Variants in ZFC3H1 observed in about 807,000 individuals in gnomAD.
ZFC3H1 encodes zinc finger C3H1-type containing.
A neutral mutation model predicts 243.7 loss-of-function variants in ZFC3H1; 71 were observed. The observed-to-expected ratio is 0.29, with a 90% CI of 0.24 to 0.36. The LOEUF (loss-of-function observed/expected upper bound fraction) is 0.36, where lower values mean the gene tolerates loss of function less well. Among genes scored for constraint, ZFC3H1 ranks in the 10% least tolerant of loss-of-function variants. The pLI is 1.00. For synonymous variants in ZFC3H1, 838 were observed against 813.0 expected, an observed-to-expected ratio of 1.03 and a Z score of -0.52; for missense variants, 1,966 against 2,317.1, an observed-to-expected ratio of 0.85 and a Z score of 3.11.
In ZFC3H1 at chr12:71,628,975, T is replaced by C. The variant is rs762659111; in HGVS notation, c.3889A>G (p.Ile1297Val). ...TCACTACTGAAGCTATTATCTGAAA[T>C]AGGTTTTCTCCAAAACTTTGGCTTC... ...KWKPKFWRKP[I>V]SDNSFSSDEE... The change falls in exon 20 of 35, where the codon ATT becomes GTT. Residue 1297 changes from isoleucine (I) to valine (V), a missense_variant. By Grantham distance (29) the Ile-to-Val change is conservative (BLOSUM62 3). Transcript: ENST00000378743. The C allele has an allele frequency of 2.5e-6, 4 of 1,613,286 alleles. No homozygotes were observed. The highest frequency in any genetic ancestry group is 2.7e-5 in the African/African-American group (2 of 74,880).
At chr12:71,647,674 C>A in intron 3 of ZFC3H1, 75 bp downstream of exon 3, 2 of 793,624 alleles carry the variant, frequency 2.5e-6, no homozygotes, top group African/African-American at 1.8e-5. Context: ...ATAGACTTCC[C>A]TTACAAAAGA....
intron 24 of ZFC3H1, 29 bp from the exon 25 acceptor site, chr12:71,620,344 T>C: frequency 6.2e-7 from 1 of 1,603,344 alleles, no homozygotes; most frequent in Non-Finnish European, 8.5e-7. Context: ...ACAACATGAA[T>C]CACGTCAATC....
At chr12:71,626,150 A>G in intron 22 of ZFC3H1, 110 bp downstream of exon 22, 1 of 1,116,844 alleles carries the variant, frequency 9.0e-7, no homozygotes, top group Non-Finnish European at 1.2e-6. Context: ...GTCTATATTC[A>G]GATAAAGCAT....
intron 23 of ZFC3H1, among the ~76,000 whole-genome samples, chr12:71,623,870 TA>T (rs1428535332): frequency 3.3e-5 from 5 of 152,198 alleles, no homozygotes; most frequent in African/African-American, 1.2e-4. Context: ...ATACTTAACA[TA>T]AAATATTTTC....
At chr12:71,613,193 A>T in intron 31 of ZFC3H1, 142 bp downstream of exon 31, 2 of 549,264 alleles carry the variant, frequency 3.6e-6, no homozygotes, top group Non-Finnish European at 5.8e-6. Flanking sequence ...ATATTGGCTT[A>T]ACAACTCTGA....
chr12:71,633,103 C>T lies in ZFC3H1; in HGVS notation c.2686-86G>A, dbSNP rs949979276. The T allele has an allele frequency of 2.8e-6, 4 of 1,434,900 alleles. No homozygotes were observed. In the African/African-American group the frequency reaches 5.8e-5, roughly 21 times the overall value. The allele number at this position is 1,434,900 out of a possible 1,614,324, so 88.9% of individuals were successfully genotyped here. On this transcript the variant is annotated intron_variant, in intron 13 of 34. Transcript: ENST00000378743. Reference sequence around the variant, plus strand: ...CTTCTCAAACACCGTGGCTTTTGAGCATTCAACTGAAAATAAAAATATTCC... The same window carrying T: ...CTTCTCAAACACCGTGGCTTTTGAGTATTCAACTGAAAATAAAAATATTCC...
chr12:71,638,650 T>A, intron 6 of ZFC3H1, 135 bp from the exon 7 acceptor site: 1 of 703,018 alleles, frequency 1.4e-6, no homozygotes, highest in Non-Finnish European at 2.3e-6. Context: ...ATAAAATCTT[T>A]AAACCCCTCA....
At position 71,656,574 on chromosome 12, in the gene ZFC3H1, A is replaced by AT. The variant is rs766581875; in HGVS notation, c.1015+310dup. The AT allele has an allele frequency of 6.6e-5, 42 of 638,694 alleles. No homozygotes were observed. In the South Asian group the frequency reaches 7.6e-4, roughly 12 times the overall value. The allele number at this position is 638,694 out of a possible 1,614,324, so 39.6% of individuals were successfully genotyped here. On this transcript the variant is annotated intron_variant, in intron 2 of 34. Coordinates refer to ENST00000378743, the MANE Select transcript of ZFC3H1 (RefSeq NM_144982.5). Reference sequence around the variant, plus strand: ...CCCGATAAGGGATACCTACAAAAAAATTAACATCATATTTAATGGTAAATG... The same window carrying AT: ...CCCGATAAGGGATACCTACAAAAAAATTTAACATCATATTTAATGGTAAATG...
At chr12:71,652,144 A>G (rs1340436395) in intron 2 of ZFC3H1, among the ~76,000 whole-genome samples, 1 of 152,238 alleles carries the variant, frequency 6.6e-6, no homozygotes, top group Non-Finnish European at 1.5e-5. Context: ...TAAGTTTGAC[A>G]GTAGAGTCTT....
At chr12:71,625,140 T>C (rs1880131001) in intron 22 of ZFC3H1, among the ~76,000 whole-genome samples, 1 of 152,154 alleles carries the variant, frequency 6.6e-6, no homozygotes, top group South Asian at 2.1e-4. Flanking sequence ...CAAGCATGCT[T>C]TACTATCCAA....
Position 71,626,537 on chromosome 12 carries a change from C to A in ZFC3H1, c.4131-91G>T, listed in dbSNP as rs955434979. On this transcript the variant is annotated intron_variant, in intron 21 of 34. Transcript: ENST00000378743. Reference sequence around the variant, plus strand: ...ATCCAATGAGTCAATTTTAAAATTCCATTTTCTACTAGAATTTACCAAGAA... The same window carrying A: ...ATCCAATGAGTCAATTTTAAAATTCAATTTTCTACTAGAATTTACCAAGAA... The A allele has an allele frequency of 3.5e-6, 4 of 1,133,242 alleles. No individual in the cohort carries two copies. The African/African-American group carries it at 6.2e-5, about 18-fold the overall frequency. 70.2% of individuals were successfully genotyped at this position (1,133,242 alleles called of 1,614,324 possible).
intron 27 of ZFC3H1, 76 bp from the exon 28 acceptor site, chr12:71,615,392 G>C (rs542854798): frequency 4.2e-6 from 4 of 961,146 alleles, no homozygotes; most frequent in Non-Finnish European, 6.3e-6. Flanking sequence ...TTTTAAAATC[G>C]TTAGTTTCAC....
chr12:71,615,288 C>T lies in ZFC3H1; in HGVS notation c.5173G>A (p.Asp1725Asn), dbSNP rs767315625. Residue 1725 changes from aspartate (D) to asparagine (N), a missense_variant, in exon 28 of 35, where the codon GAC (aspartate) becomes AAC (asparagine). Physicochemically the swap from Asp to Asn is conservative, Grantham distance 23. Transcript: ENST00000378743. ...CCTTTACATAAACGAGATGGAATGTCAATTGGTCCTGGAATATTTAAGAGA... is the reference window on the plus strand; with the variant it reads ...CCTTTACATAAACGAGATGGAATGTTAATTGGTCCTGGAATATTTAAGAGA... ...RYLLNIPGPI[D>N]IPSRLCKGNF... The T allele has an allele frequency of 8.7e-6, 14 of 1,611,986 alleles. No homozygotes were observed. The South Asian group carries it at 1.5e-4, about 18-fold the overall frequency.
rs760764128 is a variant in ZFC3H1 at position 71,614,527 on chromosome 12, G to A, written c.5526+8C>T. 2 of 1,566,570 alleles carry A rather than the reference G, an allele frequency of 1.3e-6. No homozygotes were observed. The highest frequency in any genetic ancestry group is 1.7e-6 in the Non-Finnish European group (2 of 1,162,792). On this transcript the variant is annotated splice_region_variant and intron_variant, in intron 30 of 34. Transcript: ENST00000378743. ...AAATATCTAAAGAAAAAAGTTTTGA[G>A]TTCTTACCCTATTATGAAATTCATA...
At position 71,632,346 on chromosome 12, in the gene ZFC3H1, T is replaced by C. The variant is rs772116125; in HGVS notation, c.2986A>G (p.Asn996Asp). 2.5e-6 allele frequency: 4 copies of C among 1,613,634 alleles called. No individual in the cohort carries two copies. The highest frequency in any genetic ancestry group is 3.4e-6 in the Non-Finnish European group (4 of 1,179,844). The change falls in exon 15 of 35, where the codon AAT becomes GAT. Residue 996 changes from asparagine to aspartate, a missense_variant. Asn to Asp is a conservative substitution (Grantham distance 23). Transcript: ENST00000378743. ...ARALKAKEQQ[N>D]ISPVVEEEPE... ...TCCTCTTCCACAACTGGAGAGATAT[T>C]TTGTTGTTCCTTTGCTTTAAGGGCA...
chr12:71,627,614 T>C, intron 21 of ZFC3H1, 137 bp downstream of exon 21: 2 of 761,836 alleles, frequency 2.6e-6, no homozygotes, highest in Non-Finnish European at 4.1e-6. Context: ...AACAATAAAA[T>C]GCTTTTGGCT....
Position 71,636,513 on chromosome 12 carries a change from G to T in ZFC3H1, c.2077C>A (p.Arg693Ser). 1 of 1,606,652 alleles carries T rather than the reference G, an allele frequency of 6.2e-7. No homozygotes were observed. The highest frequency in any genetic ancestry group is 8.5e-7 in the Non-Finnish European group (1 of 1,177,188). The change falls in exon 9 of 35, where the codon CGT becomes AGT. Residue 693 changes from arginine (R) to serine (S), a missense_variant. This residue lies in a region of ZFC3H1 where 1,383 missense variants were observed against 1,723.7 expected (regional missense o/e 0.80). Coordinates refer to ENST00000378743, the MANE Select transcript of ZFC3H1 (RefSeq NM_144982.5). ...ACCGAGATCACAGTTCGTGGAAGAC[G>T]GGGTCCTCTGTGAAACTTTGGATTC... ...IQNPKFHRGP[R>S]LPRTVISLPK...
At chr12:71,657,904 G>C (rs1377861397) in intron 1 of ZFC3H1, among the ~76,000 whole-genome samples, 1 of 151,742 alleles carries the variant, frequency 6.6e-6, no homozygotes, top group African/African-American at 2.4e-5. Context: ...CAAGAGAATT[G>C]CTTGAACTCA....
rs1179873511 is a variant in ZFC3H1, at chr12:71,663,248, C to G, written c.363G>C (p.Ser121=). 1.2e-6 allele frequency: 2 copies of G among 1,613,750 alleles called. No homozygotes were observed. The highest frequency in any genetic ancestry group is 1.1e-5 in the South Asian group (1 of 91,080). ...GGGGACTGCTTTCGGACAGTGAGCT[C>G]GAAGGCATCCGTACAGAAGGCGGAT... ...RSHPPSVRMP[S]SSLSESSPRP... is the part of the protein sequence containing the mutation. Residue 121 remains serine, a synonymous_variant, in exon 1 of 35, where the codon TCG becomes TCC. Coordinates refer to ENST00000378743, the MANE Select transcript of ZFC3H1 (RefSeq NM_144982.5).
Sources: allele counts gnomAD v4.1 joint callset (sites outside exome capture counted in the v4.1 genomes callset), GRCh38; gene constraint gnomAD v4.1.1; regional missense constraint gnomAD v4.1.1; transcripts MANE v1.5; gene names NCBI Gene and HGNC (gene_info 2026-07-23, HGNC 2026-07-21).